The following SGCD variants were observed in gnomAD, a reference collection of about 807,000 sequenced individuals.
SGCD encodes sarcoglycan delta.
A neutral mutation model predicts 36.6 loss-of-function variants in SGCD; 18 were observed. The ratio of observed to expected loss-of-function variants is 0.49; its 90% CI spans 0.34 to 0.73. The LOEUF is 0.73. SGCD is among the 30% of genes least tolerant of loss of function. The probability of loss-of-function intolerance (pLI) is 0.01; values close to 1 mark genes in which losing one functional copy is unlikely to be tolerated. For synonymous variants in SGCD, 133 were observed against 130.6 expected (o/e 1.02, Z -0.12); for missense variants, 387 against 346.7 (o/e 1.12, Z -0.92).
intron 6 of SGCD, among the ~76,000 whole-genome samples, chr5:156,617,488 T>G (rs1042124263): frequency 6.6e-6 from 1 of 152,076 alleles, no homozygotes; most frequent in African/African-American, 2.4e-5. Context: ...TAACAGAAAT[T>G]TATAGGAGCA....
chr5:156,523,522 G>A (rs1757499518), intron 4 of SGCD, among the ~76,000 whole-genome samples: 1 of 152,166 alleles, frequency 6.6e-6, no homozygotes, highest in East Asian at 1.9e-4. Context: ...GCTTATGACA[G>A]AAGTTACAAA....
At chr5:156,409,239 C>A (rs183564350) in intron 3 of SGCD, among the ~76,000 whole-genome samples, 32 of 151,882 alleles carry the variant, frequency 2.1e-4, no homozygotes, top group African/African-American at 6.8e-4. Context: ...CCCTTTTTTC[C>A]TTCCTTTCCT....
intron 1 of SGCD, among the ~76,000 whole-genome samples, chr5:155,995,388 A>G (rs1007322461): frequency 6.6e-6 from 1 of 152,172 alleles, no homozygotes; most frequent in Non-Finnish European, 1.5e-5. Context: ...ATAGGAGGTA[A>G]ATAGAATGTT....
chr5:155,800,737 C>T, the SGCD span, among the ~76,000 whole-genome samples: 1 of 151,984 alleles, frequency 6.6e-6, no homozygotes, highest in Admixed American at 6.5e-5. Context: ...TTTTGTTTTC[C>T]CTAGTATTGG....
At chr5:156,710,468 A>G (rs1426561037) in intron 7 of SGCD, among the ~76,000 whole-genome samples, 3 of 152,204 alleles carry the variant, frequency 2.0e-5, no homozygotes, top group Non-Finnish European at 4.4e-5. Flanking sequence ...TGTGAGGACT[A>G]TGACCCATAA....
intron 3 of SGCD, among the ~76,000 whole-genome samples, chr5:156,430,423 G>A (rs2127787216): frequency 6.6e-6 from 1 of 151,316 alleles, no homozygotes; most frequent in Admixed American, 6.6e-5. Context: ...TTTTTAAGTT[G>A]GTTTATCCCT....
chr5:156,654,642 T>G (rs1421833630), intron 7 of SGCD, among the ~76,000 whole-genome samples: 1 of 152,152 alleles, frequency 6.6e-6, no homozygotes, highest in Non-Finnish European at 1.5e-5. Flanking sequence ...TTCTGAGTCC[T>G]AATATCCCTA....
intron 6 of SGCD, among the ~76,000 whole-genome samples, chr5:156,599,838 G>T (rs1420850543): frequency 6.6e-6 from 1 of 152,218 alleles, no homozygotes; most frequent in Non-Finnish European, 1.5e-5. Context: ...CCTGGTTTCT[G>T]TTGTAAGCTA....
chr5:156,174,280 T>A (rs1337609278), intron 3 of SGCD, among the ~76,000 whole-genome samples: 2 of 152,166 alleles, frequency 1.3e-5, no homozygotes, highest in Non-Finnish European at 2.9e-5. Flanking sequence ...AGATAACAGG[T>A]TGCAGGAAGC....
chr5:156,621,157 G>A (rs1367783070), intron 6 of SGCD, among the ~76,000 whole-genome samples: 1 of 152,152 alleles, frequency 6.6e-6, no homozygotes, highest in African/African-American at 2.4e-5. Flanking sequence ...CTGGGTCCCT[G>A]CCTTTCTAGG....
At chr5:156,008,273 G>A (rs900052259) in intron 1 of SGCD, among the ~76,000 whole-genome samples, 4 of 152,126 alleles carry the variant, frequency 2.6e-5, no homozygotes, top group African/African-American at 9.7e-5. Context: ...TCTAGCTTCT[G>A]GTGGCTTCCA....
intron 1 of SGCD, among the ~76,000 whole-genome samples, chr5:155,968,295 A>G (rs924399687): frequency 2.0e-5 from 3 of 152,142 alleles, no homozygotes; most frequent in African/African-American, 7.2e-5. Flanking sequence ...GAAGTTACAC[A>G]TGGCACGTGG....
At chr5:155,801,382 AG>A in the SGCD span, among the ~76,000 whole-genome samples, 3 of 152,194 alleles carry the variant, frequency 2.0e-5, no homozygotes, top group East Asian at 5.8e-4. Context: ...TTTAGAGCTC[AG>A]GGAGACTCAG....
At chr5:156,068,591 A>G (rs1007850843) in intron 1 of SGCD, among the ~76,000 whole-genome samples, 8 of 151,834 alleles carry the variant, frequency 5.3e-5, no homozygotes, top group African/African-American at 1.7e-4. Flanking sequence ...ATATGTGTGC[A>G]TGTGCCTTTA....
intron 1 of SGCD, among the ~76,000 whole-genome samples, chr5:155,944,296 A>G (rs577882952): frequency 1.3e-5 from 2 of 152,342 alleles, no homozygotes; most frequent in African/African-American, 4.8e-5. Context: ...ATAAAAGTAA[A>G]TGTGTATATA....
intron 1 of SGCD, among the ~76,000 whole-genome samples, chr5:156,033,174 C>A (rs772784884): frequency 6.6e-6 from 1 of 151,984 alleles, no homozygotes; most frequent in Non-Finnish European, 1.5e-5. Flanking sequence ...TTGTTGAGAT[C>A]CTTGTGAATT....
chr5:155,831,780 T>C, the SGCD span, among the ~76,000 whole-genome samples: 1 of 152,216 alleles, frequency 6.6e-6, no homozygotes, highest in African/African-American at 2.4e-5. Context: ...ACAGAGTCTG[T>C]AGGGAGAGCG....
chr5:156,605,907 G>A (rs538253995), intron 6 of SGCD, among the ~76,000 whole-genome samples: 8 of 152,048 alleles, frequency 5.3e-5, no homozygotes, highest in Admixed American at 2.0e-4. Context: ...TTTTTTTCTC[G>A]TAAATTTGTT....
At chr5:155,924,236 G>A (rs1034015873) in intron 1 of SGCD, among the ~76,000 whole-genome samples, 1 of 152,160 alleles carries the variant, frequency 6.6e-6, no homozygotes, top group African/African-American at 2.4e-5. Flanking sequence ...AAACCTAGGA[G>A]GAAATACTCA....
Sources: allele counts gnomAD v4.1 joint callset (sites outside exome capture counted in the v4.1 genomes callset), GRCh38; gene constraint gnomAD v4.1.1; transcripts MANE v1.5; gene names NCBI Gene and HGNC (gene_info 2026-07-23, HGNC 2026-07-21).